The following XXYLT1 variants were observed in gnomAD, a reference collection of about 807,000 sequenced individuals.
The protein encoded by XXYLT1 is UDP-xylose:alpha-xyloside alpha-1,3-xylosyltransferase.
A neutral mutation model predicts 28.9 loss-of-function variants in XXYLT1; 20 were observed. The ratio of observed to expected loss-of-function variants is 0.69; its 90% CI spans 0.49 to 1.00. The LOEUF is 1.00. XXYLT1 is among the 50% of genes least tolerant of loss of function. XXYLT1 has a pLI of 0.00. For missense variants in XXYLT1, 542 were observed against 560.1 expected, an observed-to-expected ratio of 0.97 and a Z score of 0.33; for synonymous variants, 257 against 253.8, an observed-to-expected ratio of 1.01 and a Z score of -0.12.
chr3:195,160,317 CCT>C (rs1335464475), intron 2 of XXYLT1, among the ~76,000 whole-genome samples: 1 of 152,190 alleles, frequency 6.6e-6, no homozygotes, highest in Non-Finnish European at 1.5e-5. Context: ...GCAAGCGCCT[CCT>C]CTGTCTTTCT....
At chr3:195,170,136 C>T (rs1338175200) in intron 2 of XXYLT1, among the ~76,000 whole-genome samples, 1 of 152,026 alleles carries the variant, frequency 6.6e-6, no homozygotes, top group East Asian at 1.9e-4. Flanking sequence ...AGGCGTGAGC[C>T]ACCACGCCTG....
intron 2 of XXYLT1, among the ~76,000 whole-genome samples, chr3:195,157,175 A>C (rs1720642073): frequency 6.9e-6 from 1 of 144,738 alleles, no homozygotes; most frequent in African/African-American, 2.6e-5. Context: ...CCCAGGAGGC[A>C]GAGGTTGCAG....
intron 1 of XXYLT1, among the ~76,000 whole-genome samples, chr3:195,252,289 T>C (rs1725286495): frequency 6.6e-6 from 1 of 152,136 alleles, no homozygotes; most frequent in Admixed American, 6.5e-5. Flanking sequence ...GGAGAAGAAA[T>C]AGAGTGAGCT....
chr3:195,201,904 C>G (rs548601525), intron 2 of XXYLT1, among the ~76,000 whole-genome samples: 1 of 152,156 alleles, frequency 6.6e-6, no homozygotes, highest in African/African-American at 2.4e-5. Context: ...CAGGGCCGGG[C>G]GCGGTGGCTC....
intron 3 of XXYLT1, among the ~76,000 whole-genome samples, chr3:195,072,414 ATCT>A (rs1016344600): frequency 2.6e-5 from 4 of 152,156 alleles, no homozygotes; most frequent in Admixed American, 2.0e-4. Context: ...ACGCTCCCAA[ATCT>A]TCTGTGTCTG....
intron 3 of XXYLT1, among the ~76,000 whole-genome samples, chr3:195,088,163 C>G (rs1017607556): frequency 2.7e-4 from 41 of 151,758 alleles, no homozygotes; most frequent in Admixed American, 7.9e-4. Flanking sequence ...CCGGGAAGCT[C>G]GAACTGGGTG....
intron 1 of XXYLT1, among the ~76,000 whole-genome samples, chr3:195,245,786 GT>G (rs1392964583): frequency 6.6e-6 from 1 of 152,138 alleles, no homozygotes; most frequent in Non-Finnish European, 1.5e-5. Flanking sequence ...GGCAGATCTG[GT>G]TGTAGAAAGA....
chr3:195,175,884 T>C (rs891464962), intron 2 of XXYLT1: 2 of 1,411,782 alleles, frequency 1.4e-6, no homozygotes, highest in African/African-American at 2.9e-5. Flanking sequence ...GTGTGACATT[T>C]GTGTGGGAAA....
chr3:195,154,349 A>G (rs1720446727), intron 3 of XXYLT1, among the ~76,000 whole-genome samples: 1 of 152,102 alleles, frequency 6.6e-6, no homozygotes, highest in South Asian at 2.1e-4. Context: ...ACTAGGAGGC[A>G]TGTGCACTAG....
At chr3:195,157,139 A>T (rs1461513884) in intron 2 of XXYLT1, among the ~76,000 whole-genome samples, 1 of 148,346 alleles carries the variant, frequency 6.7e-6, no homozygotes, top group Non-Finnish European at 1.5e-5. Context: ...GCTAGTCAGT[A>T]GGCTGAGGCA....
At chr3:195,148,830 C>T (rs905595697) in intron 3 of XXYLT1, among the ~76,000 whole-genome samples, 4 of 152,160 alleles carry the variant, frequency 2.6e-5, no homozygotes, top group Admixed American at 1.3e-4. Context: ...GCTCTAAACT[C>T]GGCCACAGCA....
intron 2 of XXYLT1, among the ~76,000 whole-genome samples, chr3:195,198,355 A>G (rs1401455288): frequency 2.6e-5 from 4 of 152,192 alleles, no homozygotes; most frequent in Non-Finnish European, 5.9e-5. Context: ...CCTGAGTTTC[A>G]AAAAAGAGTC....
In XXYLT1 at chr3:195,102,483, G is replaced by A. The variant is rs193120111; in HGVS notation, c.786-32372C>T. ...GGTAACCATCATTTTCTTCTCTACC[G>A]CTGTGTATTCAGCTTTTCCTCTTTT... On this transcript the variant is annotated intron_variant, in intron 3 of 3. Transcript: ENST00000310380. Among the ~76,000 whole-genome samples the A allele has an allele frequency of 3.3e-3, 500 of 151,900 alleles. 4 individuals are homozygous for A. Among genetic ancestry groups the A allele is most frequent in the African/African-American group, 2.4e-3 (100 of 41,426 alleles).
chr3:195,085,023 G>A (rs1715642212), intron 3 of XXYLT1, among the ~76,000 whole-genome samples: 1 of 152,230 alleles, frequency 6.6e-6, no homozygotes, highest in South Asian at 2.1e-4. Context: ...TCCAGAGTGT[G>A]TGGTTCATCT....
intron 1 of XXYLT1, among the ~76,000 whole-genome samples, chr3:195,243,834 C>T (rs970297593): frequency 1.7e-4 from 26 of 152,156 alleles, no homozygotes; most frequent in African/African-American, 5.6e-4. Context: ...CCTCATGTGA[C>T]GATTATCGCT....
chr3:195,202,050 A>ACG (rs1560149459), intron 2 of XXYLT1, among the ~76,000 whole-genome samples: 2 of 151,880 alleles, frequency 1.3e-5, no homozygotes, highest in Admixed American at 1.3e-4. Context: ...GGTGGTGTGC[A>ACG]CCTGTAATCC....
intron 2 of XXYLT1, among the ~76,000 whole-genome samples, chr3:195,189,461 A>C (rs943750862): frequency 8.5e-5 from 13 of 152,220 alleles, no homozygotes; most frequent in Non-Finnish European, 2.9e-5. Context: ...AAAATAGGAA[A>C]GTGTGACCCA....
At chr3:195,165,581 G>A (rs1162220932) in intron 2 of XXYLT1, among the ~76,000 whole-genome samples, 1 of 152,090 alleles carries the variant, frequency 6.6e-6, no homozygotes. Context: ...TTTCTAGCAG[G>A]AGGAAAAAAT....
chr3:195,101,438 T>C (rs2108677070), intron 3 of XXYLT1, among the ~76,000 whole-genome samples: 1 of 152,334 alleles, frequency 6.6e-6, no homozygotes, highest in South Asian at 2.1e-4. Context: ...ACCATTTCCT[T>C]CCCATTTATT....
Sources: allele counts gnomAD v4.1 joint callset (sites outside exome capture counted in the v4.1 genomes callset), GRCh38; gene constraint gnomAD v4.1.1; transcripts MANE v1.5; gene names NCBI Gene and HGNC (gene_info 2026-07-23, HGNC 2026-07-21).